The following IL1RAPL2 variants were observed in gnomAD, a reference collection of about 807,000 sequenced individuals.
The protein encoded by IL1RAPL2 is interleukin 1 receptor accessory protein like 2.
In IL1RAPL2, 3 loss-of-function variants were observed where a neutral mutation model predicts 44.1. The observed-to-expected ratio is 0.07, with a 90% CI of 0.03 to 0.18. The LOEUF is 0.18. Ranked by LOEUF, IL1RAPL2 falls within the 10% of genes least tolerant of loss-of-function variation. The pLI is 1.00. For missense variants in IL1RAPL2, 391 were observed against 496.4 expected, an observed-to-expected ratio of 0.79 and a Z score of 2.02; for synonymous variants, 181 against 178.8, an observed-to-expected ratio of 1.01 and a Z score of -0.10.
At chrX:105,200,101 T>C (rs2033704239) in intron 3 of IL1RAPL2, among the ~76,000 whole-genome samples, 1 of 111,980 alleles carries the variant, frequency 8.9e-6, no homozygotes, top group Non-Finnish European at 1.9e-5. Flanking sequence ...TTTGACAATG[T>C]CAGTATTCAC....
intron 5 of IL1RAPL2, among the ~76,000 whole-genome samples, chrX:105,357,718 T>TC (rs202183141): frequency 0.13 from 14,344 of 110,859 alleles, 2,273 homozygotes; most frequent in African/African-American, 0.45. Context: ...TTTGCTTTTT[T>TC]TGATAAACCA....
chrX:104,894,665 G>T (rs1446837874), intron 2 of IL1RAPL2, among the ~76,000 whole-genome samples: 1 of 111,505 alleles, frequency 9.0e-6, no homozygotes, highest in African/African-American at 3.3e-5. Flanking sequence ...CTCTACATTG[G>T]TTATTCTAGT....
intron 2 of IL1RAPL2, among the ~76,000 whole-genome samples, chrX:104,890,133 C>T (rs988370663): frequency 8.9e-6 from 1 of 111,772 alleles, no homozygotes; most frequent in Non-Finnish European, 1.9e-5. Flanking sequence ...ATGAACTCAT[C>T]TTTTTTATGG....
intron 5 of IL1RAPL2, among the ~76,000 whole-genome samples, chrX:105,464,565 G>A (rs1310923411): frequency 9.0e-6 from 1 of 111,212 alleles, no homozygotes; most frequent in Non-Finnish European, 1.9e-5. Context: ...AAATAAATGC[G>A]AGCTATACAT....
chrX:105,713,180 G>A (rs1044919681), intron 6 of IL1RAPL2, among the ~76,000 whole-genome samples: 17 of 111,695 alleles, frequency 1.5e-4, no homozygotes, highest in African/African-American at 5.5e-4. Context: ...GGGGTCTGGA[G>A]GATGGTGGTC....
At chrX:105,396,308 GC>G (rs905282005) in intron 5 of IL1RAPL2, among the ~76,000 whole-genome samples, 3 of 106,994 alleles carry the variant, frequency 2.8e-5, no homozygotes, top group Admixed American at 1.0e-4. Context: ...AATCATCAAT[GC>G]CCCTTCCCTC....
intron 5 of IL1RAPL2, among the ~76,000 whole-genome samples, chrX:105,438,884 T>C (rs1451894232): frequency 9.0e-6 from 1 of 110,803 alleles, no homozygotes; most frequent in East Asian, 2.9e-4. Flanking sequence ...CACCCAAATC[T>C]CATGTGGAAT....
chrX:105,215,765 G>C (rs201774271), intron 3 of IL1RAPL2, among the ~76,000 whole-genome samples: 35 of 1,781 alleles, frequency 0.02, no homozygotes, highest in Non-Finnish European at 7.3e-3. Flanking sequence ...ATCCACCACG[G>C]ATCAAGTCAG....
At chrX:105,073,518 T>C (rs1011894306) in intron 2 of IL1RAPL2, among the ~76,000 whole-genome samples, 1 of 110,837 alleles carries the variant, frequency 9.0e-6, no homozygotes, top group African/African-American at 3.3e-5. Flanking sequence ...TGTGCATGTG[T>C]CTTTATAGCA....
intron 2 of IL1RAPL2, among the ~76,000 whole-genome samples, chrX:104,897,404 G>C (rs1263907025): frequency 7.1e-5 from 8 of 111,928 alleles, no homozygotes; most frequent in Middle Eastern, 4.2e-3. Flanking sequence ...ATTTCCTTTA[G>C]AGCCATTGTT....
chrX:105,569,222 C>T (rs1256496722), intron 6 of IL1RAPL2, among the ~76,000 whole-genome samples: 2 of 111,172 alleles, frequency 1.8e-5, no homozygotes, highest in Non-Finnish European at 3.8e-5. Context: ...TTATACTTTC[C>T]CTTAATTATT....
chrX:105,133,842 C>T (rs1195400860), intron 2 of IL1RAPL2, among the ~76,000 whole-genome samples: 1 of 110,824 alleles, frequency 9.0e-6, no homozygotes, highest in African/African-American at 3.3e-5. Flanking sequence ...GACCTAATCA[C>T]CTCCCAAAGA....
intron 2 of IL1RAPL2, among the ~76,000 whole-genome samples, chrX:104,673,787 G>T (rs1930674960): frequency 9.3e-6 from 1 of 107,754 alleles, no homozygotes; most frequent in East Asian, 2.9e-4. Flanking sequence ...GCAGTGGTTT[G>T]TAGTTCTCCT....
chrX:104,944,808 T>G (rs1431892184), intron 2 of IL1RAPL2, among the ~76,000 whole-genome samples: 1 of 111,583 alleles, frequency 9.0e-6, no homozygotes, highest in Non-Finnish European at 1.9e-5. Flanking sequence ...TGTATATATC[T>G]TAGAGGAGAC....
intron 2 of IL1RAPL2, among the ~76,000 whole-genome samples, chrX:105,032,206 T>C (rs1477940929): frequency 1.8e-5 from 2 of 109,992 alleles, no homozygotes; most frequent in Admixed American, 2.0e-4. Context: ...TTTTGAAGGG[T>C]TTTTTGTGTC....
chrX:105,536,229 A>G (rs988740145), intron 6 of IL1RAPL2, among the ~76,000 whole-genome samples: 4 of 110,639 alleles, frequency 3.6e-5, no homozygotes, highest in Non-Finnish European at 7.6e-5. Context: ...TTGTTTTCAG[A>G]AAGAATGGCA....
intron 6 of IL1RAPL2, among the ~76,000 whole-genome samples, chrX:105,547,168 T>C (rs2036808834): frequency 8.9e-6 from 1 of 112,565 alleles, no homozygotes; most frequent in South Asian, 3.6e-4. Context: ...TTAGAGAATG[T>C]ATTTAAAATA....
chrX:105,377,859 G>C lies in IL1RAPL2; in HGVS notation c.698-106454G>C, dbSNP rs771939834. On this transcript the variant is annotated intron_variant, in intron 5 of 10. Coordinates refer to ENST00000372582, the MANE Select transcript of IL1RAPL2 (RefSeq NM_017416.2). ...CCACACTTGGAAAATAGACTGCTTT[G>C]GGGAGATATTTGAGGTTTAACCTAA... 7.1e-4 allele frequency among the ~76,000 whole-genome samples: 79 copies of C among 111,645 alleles called. No individual in the cohort carries two copies. The Middle Eastern group carries it at 0.019, about 26-fold the overall frequency.
intron 2 of IL1RAPL2, among the ~76,000 whole-genome samples, chrX:104,847,572 A>G (rs1922090175): frequency 8.9e-6 from 1 of 111,818 alleles, no homozygotes; most frequent in Admixed American, 9.5e-5. Context: ...TGGTACCAGT[A>G]CCATGCTGTT....
Sources: allele counts gnomAD v4.1 joint callset (sites outside exome capture counted in the v4.1 genomes callset), GRCh38; gene constraint gnomAD v4.1.1; transcripts MANE v1.5; gene names NCBI Gene and HGNC (gene_info 2026-07-23, HGNC 2026-07-21).